The following CNTN1 variants were observed in gnomAD, a reference collection of about 807,000 sequenced individuals.
The protein encoded by CNTN1 is contactin-1.
CNTN1 carries 38 observed loss-of-function variants against 126.4 expected under a neutral mutation model. That is an observed-to-expected ratio of 0.30 (90% confidence interval 0.23 to 0.39). The LOEUF (loss-of-function observed/expected upper bound fraction) is 0.39. Ranked by LOEUF, CNTN1 falls within the 10% of genes least tolerant of loss-of-function variation. The pLI is 1.00. For missense variants in CNTN1, 1,009 were observed against 1,248.4 expected, an observed-to-expected ratio of 0.81 and a Z score of 2.89; for synonymous variants, 413 against 422.6, an observed-to-expected ratio of 0.98 and a Z score of 0.28.
chr12:41,035,364 A>G (rs1949234363), intron 23 of CNTN1, among the ~76,000 whole-genome samples: 2 of 152,216 alleles, frequency 1.3e-5, no homozygotes, highest in Admixed American at 1.3e-4. Context: ...CTACGATAAA[A>G]TAAAACTTAC....
At chr12:40,802,482 C>T (rs997743951) in intron 1 of CNTN1, among the ~76,000 whole-genome samples, 3 of 151,938 alleles carry the variant, frequency 2.0e-5, no homozygotes, top group Non-Finnish European at 2.9e-5. Flanking sequence ...CCATTTAGTC[C>T]ATCTCTAAAG....
intron 1 of CNTN1, among the ~76,000 whole-genome samples, chr12:40,791,209 A>G (rs1177401435): frequency 6.6e-6 from 1 of 152,136 alleles, no homozygotes; most frequent in South Asian, 2.1e-4. Context: ...TAGCAAATGA[A>G]AAGAGACTCA....
At chr12:40,786,539 T>A (rs1351094013) in intron 1 of CNTN1, among the ~76,000 whole-genome samples, 1 of 152,192 alleles carries the variant, frequency 6.6e-6, no homozygotes, top group Admixed American at 6.5e-5. Flanking sequence ...AGGTAGAAGA[T>A]GTTTACAAAG....
Position 40,753,296 on chromosome 12 carries a change from G to A in CNTN1, c.-77+60704G>A, listed in dbSNP as rs76855750. Reference sequence around the variant, plus strand: ...CTGCTATAAAAAAGAGGAAAATGCTGAAGAAAATTACAATGACCTATAACT... The same window carrying A: ...CTGCTATAAAAAAGAGGAAAATGCTAAAGAAAATTACAATGACCTATAACT... On this transcript the variant is annotated intron_variant, in intron 1 of 23. Coordinates refer to ENST00000551295, the MANE Select transcript of CNTN1 (RefSeq NM_001843.4). 7.9e-4 allele frequency among the ~76,000 whole-genome samples: 120 copies of A among 152,150 alleles called. 1 individual carries two copies. In the East Asian group the frequency reaches 0.02, roughly 25 times the overall value.
chr12:40,910,369 T>C (rs1244737248), intron 3 of CNTN1, among the ~76,000 whole-genome samples: 1 of 152,194 alleles, frequency 6.6e-6, no homozygotes, highest in Non-Finnish European at 1.5e-5. Context: ...GCATGCTTTG[T>C]AACAATGCTA....
chr12:41,013,153 T>C (rs1053730871), intron 17 of CNTN1, among the ~76,000 whole-genome samples: 1 of 152,172 alleles, frequency 6.6e-6, no homozygotes, highest in Non-Finnish European at 1.5e-5. Flanking sequence ...GATGTTTACA[T>C]AGTGCGTGGG....
At chr12:40,787,217 TTTATC>T (rs1940057055) in intron 1 of CNTN1, among the ~76,000 whole-genome samples, 1 of 152,142 alleles carries the variant, frequency 6.6e-6, no homozygotes, top group South Asian at 2.1e-4. Context: ...CTTTATAACT[TTTATC>T]TTATATAATT....
intron 1 of CNTN1, among the ~76,000 whole-genome samples, chr12:40,718,713 A>G (rs1347429332): frequency 2.6e-5 from 4 of 152,182 alleles, no homozygotes; most frequent in Non-Finnish European, 5.9e-5. Context: ...CTATTTAAAG[A>G]TGAAGAAACT....
intron 15 of CNTN1, among the ~76,000 whole-genome samples, chr12:40,968,755 A>G (rs557071184): frequency 2.6e-5 from 4 of 152,282 alleles, no homozygotes; most frequent in South Asian, 4.1e-4. Context: ...TATATTTTCA[A>G]CTATCAGTTA....
chr12:40,713,869 C>A (rs1445376983), intron 1 of CNTN1, among the ~76,000 whole-genome samples: 1 of 152,056 alleles, frequency 6.6e-6, no homozygotes, highest in Admixed American at 6.6e-5. Flanking sequence ...TTGGTCAAAT[C>A]TATTGTTTAA....
chr12:40,747,020 G>T (rs1020798696), intron 1 of CNTN1, among the ~76,000 whole-genome samples: 1 of 151,974 alleles, frequency 6.6e-6, no homozygotes, highest in Non-Finnish European at 1.5e-5. Context: ...TGGGGTACGG[G>T]GAGCCCTCTC....
chr12:40,744,052 C>T (rs1938063269), intron 1 of CNTN1, among the ~76,000 whole-genome samples: 1 of 152,002 alleles, frequency 6.6e-6, no homozygotes, highest in African/African-American at 2.4e-5. Flanking sequence ...CCAAACACCA[C>T]ATGTTTTCAC....
intron 1 of CNTN1, among the ~76,000 whole-genome samples, chr12:40,872,656 A>G (rs1943543601): frequency 7.3e-6 from 1 of 136,134 alleles, no homozygotes; most frequent in African/African-American, 2.8e-5. Context: ...CTGCAACCTC[A>G]GCCTCTTGGG....
chr12:40,832,099 A>G (rs1208969883), intron 1 of CNTN1, among the ~76,000 whole-genome samples: 1 of 152,226 alleles, frequency 6.6e-6, no homozygotes, highest in Non-Finnish European at 1.5e-5. Flanking sequence ...CTTAGCCACC[A>G]GAATAACATG....
chr12:40,892,961 G>GGGC (rs1944294155), intron 1 of CNTN1, among the ~76,000 whole-genome samples: 1 of 144,182 alleles, frequency 6.9e-6, no homozygotes, highest in African/African-American at 2.7e-5. Context: ...AAACTGGGGG[G>GGGC]GGTGAATAAA....
At chr12:40,697,750 T>C (rs558183041) in intron 1 of CNTN1, among the ~76,000 whole-genome samples, 2 of 152,310 alleles carry the variant, frequency 1.3e-5, no homozygotes, top group South Asian at 4.1e-4. Flanking sequence ...ACACATAAAA[T>C]CCACTCAGTC....
chr12:40,759,648 T>C (rs1938764290), intron 1 of CNTN1, among the ~76,000 whole-genome samples: 1 of 151,946 alleles, frequency 6.6e-6, no homozygotes, highest in South Asian at 2.1e-4. Context: ...TGTATTTTTT[T>C]TGTAGAGATG....
chr12:41,051,419 G>C (rs1949679702), intron 23 of CNTN1, among the ~76,000 whole-genome samples: 1 of 151,724 alleles, frequency 6.6e-6, no homozygotes, highest in African/African-American at 2.4e-5. Flanking sequence ...CCAAAGTGCT[G>C]GGATTACAGG....
At chr12:40,880,056 G>A (rs530752787) in intron 1 of CNTN1, among the ~76,000 whole-genome samples, 2 of 152,126 alleles carry the variant, frequency 1.3e-5, no homozygotes, top group Admixed American at 6.6e-5. Flanking sequence ...ACAAAATGGT[G>A]TAATACAGAG....
Sources: gnomAD v4.1 joint callset for allele counts (sites outside exome capture counted in the v4.1 genomes callset) on GRCh38, gnomAD v4.1.1 for gene constraint, MANE v1.5 for transcripts, NCBI Gene and HGNC (gene_info 2026-07-23, HGNC 2026-07-21) for gene names.